The following ARL15 variants were observed in gnomAD, a reference collection of about 807,000 sequenced individuals.
ARL15 encodes the protein ARF like GTPase 15, also known as ADP-ribosylation factor-like protein 15.
Under a neutral mutation model 25.2 loss-of-function variants are expected in ARL15, and 19 were observed. The ratio of observed to expected loss-of-function variants is 0.75; its 90% CI spans 0.53 to 1.10. The LOEUF is 1.10. Ranked by LOEUF, ARL15 falls within the 50% of genes least tolerant of loss-of-function variation. The pLI is 0.00. For missense variants in ARL15, 220 were observed against 246.0 expected, an observed-to-expected ratio of 0.89 and a Z score of 0.71; for synonymous variants, 94 against 86.8, an observed-to-expected ratio of 1.08 and a Z score of -0.46.
intron 4 of ARL15, among the ~76,000 whole-genome samples, chr5:54,062,216 AG>A (rs1751090031): frequency 6.6e-6 from 1 of 152,172 alleles, no homozygotes. Context: ...CATAGGTGGA[AG>A]GGGTTTGCCT....
At chr5:54,153,783 C>G (rs1459361895) in intron 3 of ARL15, among the ~76,000 whole-genome samples, 1 of 152,034 alleles carries the variant, frequency 6.6e-6, no homozygotes, top group Non-Finnish European at 1.5e-5. Context: ...TCTCATCGAG[C>G]TAAAAATAGG....
intron 3 of ARL15, among the ~76,000 whole-genome samples, chr5:54,117,327 C>T (rs1338614800): frequency 4.7e-5 from 7 of 150,340 alleles, no homozygotes; most frequent in Non-Finnish European, 1.0e-4. Flanking sequence ...TTTCATTGGC[C>T]ACATTTAGGA....
At chr5:53,945,815 C>T (rs1398742559) in intron 4 of ARL15, among the ~76,000 whole-genome samples, 1 of 152,104 alleles carries the variant, frequency 6.6e-6, no homozygotes, top group Non-Finnish European at 1.5e-5. Context: ...TTCCACTAAC[C>T]ATAAACATAG....
chr5:54,139,284 GTAGA>G (rs1265106927), intron 3 of ARL15, among the ~76,000 whole-genome samples: 2 of 152,082 alleles, frequency 1.3e-5, no homozygotes, highest in African/African-American at 4.8e-5. Context: ...CAATCAATGA[GTAGA>G]TAAAGAAAAT....
Position 54,113,167 on chromosome 5 carries a change from GGAA to G in ARL15, c.462+32_462+34del, listed in dbSNP as rs1248038231. On this transcript the variant is annotated intron_variant, in intron 4 of 4. Coordinates refer to ENST00000504924, the MANE Select transcript of ARL15 (RefSeq NM_019087.3). ...AACGTGGCAGCAAAAGTACAAGCAA[GGAA>G]GACAAAGAGTTGTCATGCTAATGAG... 3 of 1,601,442 alleles carry G rather than the reference GGAA, an allele frequency of 1.9e-6. No individual in the cohort carries two copies. The African/African-American group carries it at 4.0e-5, about 21-fold the overall frequency.
At chr5:54,306,459 G>C (rs191387513) in intron 1 of ARL15, among the ~76,000 whole-genome samples, 1 of 146,970 alleles carries the variant, frequency 6.8e-6, no homozygotes, top group East Asian at 2.0e-4. Context: ...GCAGTTGTGC[G>C]ATCTCACTGC....
intron 4 of ARL15, among the ~76,000 whole-genome samples, chr5:54,063,381 T>G (rs1384167016): frequency 6.6e-6 from 1 of 152,202 alleles, no homozygotes; most frequent in Non-Finnish European, 1.5e-5. Context: ...TCTCCATGCT[T>G]CCCTGTGTCC....
intron 4 of ARL15, among the ~76,000 whole-genome samples, chr5:53,917,846 A>G (rs914826020): frequency 7.2e-6 from 1 of 138,280 alleles, no homozygotes; most frequent in Non-Finnish European, 1.6e-5. Context: ...TATTTTTATG[A>G]GTCTGCCAGG....
At chr5:53,977,163 C>A (rs1376478616) in intron 4 of ARL15, among the ~76,000 whole-genome samples, 1 of 152,026 alleles carries the variant, frequency 6.6e-6, no homozygotes, top group Non-Finnish European at 1.5e-5. Context: ...TCAAGACCAT[C>A]CTGATAACAT....
intron 1 of ARL15, among the ~76,000 whole-genome samples, chr5:54,215,859 A>G (rs948907275): frequency 2.0e-5 from 3 of 152,198 alleles, no homozygotes; most frequent in South Asian, 4.1e-4. Flanking sequence ...GTGTAAATCT[A>G]ACATTACATT....
intron 1 of ARL15, among the ~76,000 whole-genome samples, chr5:54,290,259 A>T (rs1758289840): frequency 6.6e-6 from 1 of 152,036 alleles, no homozygotes; most frequent in Admixed American, 6.5e-5. Context: ...AAACTGAAGA[A>T]GTTTTAGTCT....
At chr5:54,295,332 C>A (rs560601622) in intron 1 of ARL15, among the ~76,000 whole-genome samples, 89 of 152,240 alleles carry the variant, frequency 5.8e-4, no homozygotes, top group African/African-American at 2.1e-3. Flanking sequence ...TAGGTATTCT[C>A]CCCAAATAAT....
chr5:54,301,450 G>A (rs1445297463), intron 1 of ARL15, among the ~76,000 whole-genome samples: 2 of 152,100 alleles, frequency 1.3e-5, no homozygotes, highest in Non-Finnish European at 2.9e-5. Flanking sequence ...GGGTGGAGGA[G>A]GAAGCGTGCA....
intron 4 of ARL15, among the ~76,000 whole-genome samples, chr5:54,061,139 G>C (rs1751049904): frequency 6.6e-6 from 1 of 152,188 alleles, no homozygotes; most frequent in South Asian, 2.1e-4. Flanking sequence ...TCGTGGGCCA[G>C]GCCCAGGGTC....
At chr5:53,896,360 G>T (rs982197283) in intron 4 of ARL15, among the ~76,000 whole-genome samples, 1 of 151,830 alleles carries the variant, frequency 6.6e-6, no homozygotes, top group African/African-American at 2.4e-5. Flanking sequence ...TACTCTTAAT[G>T]TTAAATCTTC....
intron 1 of ARL15, among the ~76,000 whole-genome samples, chr5:54,304,361 T>C (rs1758697288): frequency 6.6e-6 from 1 of 152,196 alleles, no homozygotes; most frequent in Admixed American, 6.5e-5. Context: ...AGAGTAAGTG[T>C]TCAATAAATG....
intron 3 of ARL15, among the ~76,000 whole-genome samples, chr5:54,123,203 G>A (rs1364646824): frequency 3.3e-5 from 5 of 151,204 alleles, no homozygotes; most frequent in South Asian, 2.1e-4. Context: ...TCTGCCTCCC[G>A]GGTTCAAGTG....
intron 1 of ARL15, among the ~76,000 whole-genome samples, chr5:54,202,167 T>C (rs1005367341): frequency 9.2e-5 from 14 of 152,192 alleles, no homozygotes; most frequent in Admixed American, 7.2e-4. Context: ...TGTAGAATAA[T>C]CAAGGCAGAA....
rs1320089468 is a variant in ARL15 at position 53,898,047 on chromosome 5, CTATTTAT to C, written c.463-11341_463-11335del. Among the ~76,000 whole-genome samples the C allele has an allele frequency of 2.6e-5, 4 of 152,136 alleles. No homozygotes were observed. The South Asian group carries it at 8.3e-4, about 32-fold the overall frequency. ...TAATAAGGAAGATAAAATATATTTA[CTATTTAT>C]TAAGTGTAAGGGGATCATTATAAAC... On this transcript the variant is annotated intron_variant, in intron 4 of 4. Transcript: ENST00000504924.
Sources: allele counts gnomAD v4.1 joint callset (sites outside exome capture counted in the v4.1 genomes callset), GRCh38; gene constraint gnomAD v4.1.1; transcripts MANE v1.5; gene names NCBI Gene and HGNC (gene_info 2026-07-23, HGNC 2026-07-21).